Variants in PCDHGA11 observed in about 807,000 individuals in gnomAD.
The protein encoded by PCDHGA11 is protocadherin gamma-A11.
In PCDHGA11, 39 loss-of-function variants were observed where a neutral mutation model predicts 60.4. The observed-to-expected ratio is 0.65, with a 90% confidence interval of 0.50 to 0.84. The LOEUF (loss-of-function observed/expected upper bound fraction) is 0.84, where lower values mean the gene tolerates loss of function less well. Among genes scored for constraint, PCDHGA11 ranks in the 40% least tolerant of loss-of-function variants. The pLI is 0.00. For missense variants in PCDHGA11, 1,165 were observed against 1,197.7 expected, an observed-to-expected ratio of 0.97 and a Z score of 0.40; for synonymous variants, 533 against 510.3, an observed-to-expected ratio of 1.04 and a Z score of -0.60.
At chr5:141,510,682 GA>G (rs1303501817) in intron 3 of PCDHGA11, among the ~76,000 whole-genome samples, 6 of 152,154 alleles carry the variant, frequency 3.9e-5, no homozygotes, top group Non-Finnish European at 8.8e-5. Flanking sequence ...GTGGCATAAG[GA>G]GGTTAGGTAG....
intron 3 of PCDHGA11, among the ~76,000 whole-genome samples, chr5:141,507,582 T>G (rs1221383898): frequency 6.6e-6 from 1 of 152,264 alleles, no homozygotes; most frequent in Non-Finnish European, 1.5e-5. Flanking sequence ...AGATGCCAAG[T>G]TGGCCTCTTG....
chr5:141,455,406 C>A (rs991797932), intron 1 of PCDHGA11, among the ~76,000 whole-genome samples: 1 of 152,108 alleles, frequency 6.6e-6, no homozygotes, highest in Non-Finnish European at 1.5e-5. Flanking sequence ...CTTACAGAGA[C>A]AGAGGGAGCG....
chr5:141,448,784 C>CA (rs576464275), intron 1 of PCDHGA11, among the ~76,000 whole-genome samples: 7,532 of 145,718 alleles, frequency 0.052, 302 homozygotes, highest in African/African-American at 0.11. Flanking sequence ...ACTAAAAATA[C>CA]AAAAAAAAAA....
intron 2 of PCDHGA11, among the ~76,000 whole-genome samples, chr5:141,500,894 C>CAG (rs10656935): frequency 0.58 from 88,074 of 150,994 alleles, 27,125 homozygotes; most frequent in African/African-American, 0.78. Flanking sequence ...TTTTTTGAGA[C>CAG]AGTCTCGCTC....
chr5:141,457,264 C>T (rs2098915249), intron 1 of PCDHGA11, among the ~76,000 whole-genome samples: 1 of 152,142 alleles, frequency 6.6e-6, no homozygotes, highest in South Asian at 2.1e-4. Flanking sequence ...ATAGAATTCC[C>T]CTCTGTGGGC....
At chr5:141,447,197 T>C (rs1249080495) in intron 1 of PCDHGA11, among the ~76,000 whole-genome samples, 7 of 152,188 alleles carry the variant, frequency 4.6e-5, no homozygotes, top group Admixed American at 4.6e-4. Context: ...TGGAGTGCAA[T>C]GGCTTGATCT....
At chr5:141,466,279 T>A (rs1386803685) in intron 1 of PCDHGA11, among the ~76,000 whole-genome samples, 1 of 152,144 alleles carries the variant, frequency 6.6e-6, no homozygotes, top group Non-Finnish European at 1.5e-5. Flanking sequence ...CAAGCAATCT[T>A]CCCACCTCAG....
At chr5:141,479,855 C>T (rs1330076788) in intron 1 of PCDHGA11, among the ~76,000 whole-genome samples, 2 of 152,128 alleles carry the variant, frequency 1.3e-5, no homozygotes, top group Non-Finnish European at 2.9e-5. Context: ...ACTGCAAGGC[C>T]TTTGCCCTGG....
rs1463716042 is a variant in PCDHGA11 at position 141,511,338 on chromosome 5, T to C, written c.*165T>C. 42 of 1,429,834 alleles carry C rather than the reference T, an allele frequency of 2.9e-5. No homozygotes were observed. The highest frequency in any genetic ancestry group is 3.9e-5 in the Non-Finnish European group (42 of 1,075,502). 88.6% of individuals were successfully genotyped at this position (1,429,834 alleles called of 1,614,324 possible). A position where few individuals can be genotyped will look rare whatever the true frequency, so the allele number is the denominator to read the frequency against. On this transcript the variant is annotated 3_prime_UTR_variant, in exon 4 of 4. Coordinates refer to ENST00000398587, the MANE Select transcript of PCDHGA11 (RefSeq NM_018914.3). ...CAGAAACAAGTGCCCAGTCAGCACC[T>C]ACCCCTTCCCCCCCAGGGGGTTGAA... is the stretch of plus-strand genomic sequence containing the variant.
At position 141,512,750 on chromosome 5, in the gene PCDHGA11, G is replaced by C. The variant is rs538475261; in HGVS notation, c.*1577G>C. The C allele has an allele frequency of 2.6e-5, 4 of 152,894 alleles. No homozygotes were observed. The highest frequency in any genetic ancestry group is 4.4e-5 in the Non-Finnish European group (3 of 68,656). 9.5% of individuals were successfully genotyped at this position (152,894 alleles called of 1,614,324 possible). ...AGCGGGCGGCGGGCTCCGCGCAGCC[G>C]TCTGTCCTTGATCTGCCCGCGGCGG... On this transcript the variant is annotated 3_prime_UTR_variant, in exon 4 of 4. Coordinates refer to ENST00000398587, the MANE Select transcript of PCDHGA11 (RefSeq NM_018914.3).
intron 1 of PCDHGA11, among the ~76,000 whole-genome samples, chr5:141,456,359 G>A (rs2098853225): frequency 6.6e-6 from 1 of 152,158 alleles, no homozygotes; most frequent in Non-Finnish European, 1.5e-5. Context: ...TGGCGTCCAT[G>A]TGTGGTTCAG....
intron 1 of PCDHGA11, among the ~76,000 whole-genome samples, chr5:141,444,152 ATTTTTTTTTTTTTTTTTTTTT>A (rs747671382): frequency 8.9e-5 from 3 of 33,882 alleles, no homozygotes; most frequent in Admixed American, 3.9e-4. Context: ...TGTGTACTGG[ATTTTTTTTTTTTTTTTTTTTT>A]TTTTTTTTTT....
At chr5:141,457,107 A>G (rs2098908740) in intron 1 of PCDHGA11, among the ~76,000 whole-genome samples, 1 of 152,260 alleles carries the variant, frequency 6.6e-6, no homozygotes, top group African/African-American at 2.4e-5. Flanking sequence ...ATTAAGCAAA[A>G]TACGACAGCA....
intron 1 of PCDHGA11, chr5:141,427,927 T>C (rs1238523389): frequency 6.3e-7 from 1 of 1,580,112 alleles, no homozygotes; most frequent in Non-Finnish European, 8.7e-7. Context: ...AGCCGGCGCA[T>C]GTTGGTGGGC....
intron 2 of PCDHGA11, among the ~76,000 whole-genome samples, chr5:141,498,971 G>GGGAAGGAAGGAAGGAAGGAAGGAAGGAA (rs201769957): frequency 9.0e-6 from 1 of 110,972 alleles, no homozygotes; most frequent in Non-Finnish European, 1.8e-5. Flanking sequence ...GAGGGAGGGA[G>GGGAAGGAAGGAAGGAAGGAAGGAAGGAA]GGAAGGAAGG....
At chr5:141,433,406 T>C (rs2097604777) in intron 1 of PCDHGA11, among the ~76,000 whole-genome samples, 1 of 149,982 alleles carries the variant, frequency 6.7e-6, no homozygotes, top group Non-Finnish European at 1.5e-5. Flanking sequence ...TATCTATCTA[T>C]TACTTTCTTG....
Position 141,431,628 on chromosome 5 carries a change from A to T in PCDHGA11, c.2433+7968A>T, listed in dbSNP as rs1204083567. The T allele has an allele frequency of 6.2e-7, 1 of 1,614,138 alleles. No individual in the cohort carries two copies. Among genetic ancestry groups the T allele is most frequent in the Non-Finnish European group, 8.5e-7 (1 of 1,180,058 alleles). ...CGGTATGTGGACGACAAGGCGGCCC[A>T]AGTTTTCAAACTAGATTGTAATTCA... On this transcript the variant is annotated intron_variant, in intron 1 of 3. Coordinates refer to ENST00000398587, the MANE Select transcript of PCDHGA11 (RefSeq NM_018914.3). The surrounding 1 kb of genome is among the most constrained non-coding windows in gnomAD (Gnocchi z 4.8).
At chr5:141,450,881 G>A (rs1205242412) in intron 1 of PCDHGA11, among the ~76,000 whole-genome samples, 1 of 149,726 alleles carries the variant, frequency 6.7e-6, no homozygotes, top group African/African-American at 2.5e-5. Flanking sequence ...CTGGTGTGCA[G>A]TGGTGCGATA....
intron 2 of PCDHGA11, among the ~76,000 whole-genome samples, chr5:141,500,125 T>C (rs1367341826): frequency 2.0e-5 from 3 of 151,970 alleles, no homozygotes; most frequent in African/African-American, 4.8e-5. Flanking sequence ...CCTTTTCATA[T>C]ATATCTTTCT....
Sources: allele counts gnomAD v4.1 joint callset (sites outside exome capture counted in the v4.1 genomes callset), GRCh38; gene constraint gnomAD v4.1.1; non-coding constraint Gnocchi (gnomAD v3.1); transcripts MANE v1.5; gene names NCBI Gene and HGNC (gene_info 2026-07-23, HGNC 2026-07-21).